CEBPZ: variants seen among roughly 807,000 people sequenced by gnomAD.
CEBPZ encodes CCAAT enhancer binding protein zeta.
A neutral mutation model predicts 104.5 loss-of-function variants in CEBPZ; 78 were observed. That is an observed-to-expected ratio of 0.75 (90% CI 0.62 to 0.90). The LOEUF (loss-of-function observed/expected upper bound fraction) is 0.90, where lower values mean the gene tolerates loss of function less well. Ranked by LOEUF, CEBPZ falls within the 40% of genes least tolerant of loss-of-function variation. CEBPZ has a pLI of 0.00. For synonymous variants in CEBPZ, 470 were observed against 427.0 expected, an observed-to-expected ratio of 1.10 and a Z score of -1.24; for missense variants, 1,439 against 1,233.5, an observed-to-expected ratio of 1.17 and a Z score of -2.50.
At chr2:37,219,457 T>C (rs1489643343) in intron 5 of CEBPZ, among the ~76,000 whole-genome samples, 2 of 152,182 alleles carry the variant, frequency 1.3e-5, no homozygotes, top group Non-Finnish European at 2.9e-5. Flanking sequence ...TGGCTTCTGA[T>C]GCAGCTTGGT....
intron 2 of CEBPZ, among the ~76,000 whole-genome samples, chr2:37,226,159 A>T (rs1239333941): frequency 6.6e-6 from 1 of 151,878 alleles, no homozygotes; most frequent in Admixed American, 6.6e-5. Flanking sequence ...CATATGCTGA[A>T]CGCTGGTTCC....
intron 13 of CEBPZ, chr2:37,208,899 C>G (rs1421533103): frequency 6.6e-6 from 1 of 152,022 alleles, no homozygotes; most frequent in East Asian, 1.9e-4. Context: ...CCTAAAGACT[C>G]ATCCAAAAAG....
Position 37,213,872 on chromosome 2 carries a change from T to A in CEBPZ, c.2537A>T (p.Glu846Val), listed in dbSNP as rs1210053888. 1 of 1,604,646 alleles carries A rather than the reference T, an allele frequency of 6.2e-7. No individual in the cohort carries two copies. The highest frequency in any genetic ancestry group is 1.1e-5 in the South Asian group (1 of 90,142). Residue 846 changes from glutamate (E) to valine (V), a missense_variant, in exon 10 of 16, where the codon GAG becomes GTG. Glu to Val is a moderately radical substitution (Grantham distance 121). Coordinates refer to ENST00000234170, the MANE Select transcript of CEBPZ (RefSeq NM_005760.3). ...IEDVDDEEFE[E>V]LIDTFEDDNC... ...TCAACAAAACAAATTACCAATCAGC[T>A]CTTCAAATTCTTCATCATCCACGTC...
At chr2:37,222,143 G>A (rs1664783944) in intron 4 of CEBPZ, among the ~76,000 whole-genome samples, 1 of 152,160 alleles carries the variant, frequency 6.6e-6, no homozygotes, top group South Asian at 2.1e-4. Context: ...AATTAGCCAG[G>A]TGTGGTGGCA....
At chr2:37,214,807 A>G in intron 9 of CEBPZ, 79 bp downstream of exon 9, 1 of 892,468 alleles carries the variant, frequency 1.1e-6, no homozygotes, top group Non-Finnish European at 1.8e-6. Context: ...AGATTATTTC[A>G]TAAAATGAAG....
chr2:37,221,872 T>C (rs923156835), intron 4 of CEBPZ, among the ~76,000 whole-genome samples: 10 of 151,934 alleles, frequency 6.6e-5, no homozygotes, highest in Non-Finnish European at 1.3e-4. Flanking sequence ...ATTTCTAAGA[T>C]TTTTTTTTGA....
Position 37,217,040 on chromosome 2 carries a change from A to G in CEBPZ, c.2155-3T>C, listed in dbSNP as rs749424847. 1.2e-6 allele frequency: 2 copies of G among 1,609,754 alleles called. No individual in the cohort carries two copies. Among genetic ancestry groups the G allele is most frequent in the African/African-American group, 1.3e-5 (1 of 74,964 alleles). Reference sequence around the variant, plus strand: ...GAGGGATGAAAATGCACAGATAACTAAAAAGAAAAATGTGAATAATATCAA... The same window carrying G: ...GAGGGATGAAAATGCACAGATAACTGAAAAGAAAAATGTGAATAATATCAA... On this transcript the variant is annotated splice_region_variant and splice_polypyrimidine_tract_variant and intron_variant, in intron 5 of 15. Transcript: ENST00000234170.
intron 9 of CEBPZ, among the ~76,000 whole-genome samples, chr2:37,214,340 C>T (rs946455865): frequency 2.0e-5 from 3 of 152,072 alleles, no homozygotes; most frequent in East Asian, 1.9e-4. Context: ...TACTTTACTA[C>T]CCTAAGGCAT....
intron 2 of CEBPZ, among the ~76,000 whole-genome samples, chr2:37,226,947 A>C (rs1393907584): frequency 1.3e-5 from 2 of 152,032 alleles, no homozygotes; most frequent in Admixed American, 6.6e-5. Context: ...GCATCCCCCA[A>C]AACTCTCTAC....
At chr2:37,220,026 TA>T (rs1664731019) in intron 5 of CEBPZ, among the ~76,000 whole-genome samples, 1 of 151,974 alleles carries the variant, frequency 6.6e-6, no homozygotes, top group Non-Finnish European at 1.5e-5. Context: ...AGGGCAAAAA[TA>T]TACAGCATAG....
chr2:37,223,302 C>T lies in CEBPZ; in HGVS notation c.1749G>A (p.Val583=), dbSNP rs374575340. The T allele has an allele frequency of 1.2e-4, 188 of 1,614,014 alleles. No homozygotes were observed. Among genetic ancestry groups the T allele is most frequent in the Non-Finnish European group, 1.4e-4 (165 of 1,180,026 alleles). The part of the protein sequence containing the change: ...SLKADIVLRR[V]KAFVKRLLQV... The stretch of plus-strand genomic sequence containing the variant: ...GAAGTAACCTCTTCACAAAAGCCTT[C>T]ACCCGGCGCAACACAATGTCAGCTT... The change falls in exon 3 of 16, where the codon GTG becomes GTA. Residue 583 remains valine (V), a synonymous_variant. Transcript: ENST00000234170.
chr2:37,212,273 C>T (rs1677745310), intron 11 of CEBPZ, 62 bp downstream of exon 11: 2 of 1,451,766 alleles, frequency 1.4e-6, no homozygotes, highest in South Asian at 1.1e-5. Context: ...GTCTACTGTT[C>T]TGAGGGACAA....
chr2:37,209,341 G>C (rs1259399467), intron 13 of CEBPZ: 1 of 152,012 alleles, frequency 6.6e-6, no homozygotes, highest in African/African-American at 2.4e-5. Flanking sequence ...AGCCAAGCAA[G>C]ACTAAACAAA....
At position 37,225,615 on chromosome 2, in the gene CEBPZ, A is replaced by G. The variant is rs548190494; in HGVS notation, c.1649+1929T>C. Among the ~76,000 whole-genome samples the G allele has an allele frequency of 6.7e-3, 553 of 82,312 alleles. 8 individuals are homozygous for G. The highest frequency in any genetic ancestry group is 0.025 in the African/African-American group (518 of 20,540). 54.0% of individuals were successfully genotyped at this position (82,312 alleles called of 152,430 possible). A position where few individuals can be genotyped will look rare whatever the true frequency, so the allele number is the denominator to read the frequency against. On this transcript the variant is annotated intron_variant, in intron 2 of 15. Coordinates refer to ENST00000234170, the MANE Select transcript of CEBPZ (RefSeq NM_005760.3). ...TACCCAGGGACACAAAAACTGCGGA[A>G]GGCCGCAGGGACCTCTGCCTAGGAA...
intron 15 of CEBPZ, 79 bp downstream of exon 15, chr2:37,202,695 ATAAATAAAAT>A: frequency 4.9e-6 from 1 of 202,594 alleles, no homozygotes; most frequent in Non-Finnish European, 8.9e-6. Context: ...AAAAAAAAGA[ATAAATAAAAT>A]AACGAAAATT....
intron 2 of CEBPZ, among the ~76,000 whole-genome samples, chr2:37,226,730 A>T (rs922650705): frequency 1.3e-5 from 2 of 152,190 alleles, no homozygotes; most frequent in Non-Finnish European, 2.9e-5. Flanking sequence ...TTCTCACAAG[A>T]TATATCTATG....
In CEBPZ at chr2:37,228,458, A is replaced by G. The variant is rs920157090; in HGVS notation, c.735T>C (p.Gly245=). ...GAAGAATCATGGCTGCCATCCTGTC[A>G]CCTAGTGTCCCCGATGACACAATTG... The part of the protein sequence containing the change: ...MKAIVSSGTL[G]DRMAAMILLI... The change falls in exon 2 of 16, where the codon GGT becomes GGC. Residue 245 remains glycine (G), a synonymous_variant. Coordinates refer to ENST00000234170, the MANE Select transcript of CEBPZ (RefSeq NM_005760.3). 1.9e-6 allele frequency: 3 copies of G among 1,614,180 alleles called. No individual in the cohort carries two copies. Among genetic ancestry groups the G allele is most frequent in the Admixed American group, 3.3e-5 (2 of 60,018 alleles).
chr2:37,215,502 TA>T (rs952152359), intron 8 of CEBPZ: 3 of 152,416 alleles, frequency 2.0e-5, no homozygotes, highest in African/African-American at 7.2e-5. Flanking sequence ...CTTTTAATTC[TA>T]ACTTACTAAC....
rs759688324 is a variant in CEBPZ at position 37,227,800 on chromosome 2, A to G, written c.1393T>C (p.Tyr465His). 9.9e-6 allele frequency: 16 copies of G among 1,613,966 alleles called. No individual in the cohort carries two copies. The highest frequency in any genetic ancestry group is 1.4e-5 in the Non-Finnish European group (16 of 1,180,042). The change falls in exon 2 of 16, where the codon TAC (tyrosine) becomes CAC (histidine). Residue 465 changes from tyrosine to histidine, a missense_variant. Physicochemically the swap from Tyr to His is moderately conservative, Grantham distance 83. Coordinates refer to ENST00000234170, the MANE Select transcript of CEBPZ (RefSeq NM_005760.3). ...ACACAAGTCCGAAAAAAGCAAAAGT[A>G]AACAGTTATTAATTTGTTAGCCAAT... ...SELANKLITV[Y>H]FCFFRTCVKK...
Sources: allele counts gnomAD v4.1 joint callset (sites outside exome capture counted in the v4.1 genomes callset), GRCh38; gene constraint gnomAD v4.1.1; transcripts MANE v1.5; gene names NCBI Gene and HGNC (gene_info 2026-07-23, HGNC 2026-07-21).